The following CNKSR3 variants were observed in gnomAD, a reference collection of about 807,000 sequenced individuals.
CNKSR3 encodes the protein CNKSR family member 3.
In CNKSR3, 36 loss-of-function variants were observed where a neutral mutation model predicts 67.7. That is an observed-to-expected ratio of 0.53 (90% CI 0.41 to 0.70). The LOEUF is 0.70. Ranked by LOEUF, CNKSR3 falls within the 30% of genes least tolerant of loss-of-function variation. The pLI is 0.00. For synonymous variants in CNKSR3, 281 were observed against 271.4 expected (o/e 1.04, Z -0.35); for missense variants, 630 against 695.2 (o/e 0.91, Z 1.05).
In CNKSR3 at chr6:154,496,056, G is replaced by T. The variant is rs1307443332; in HGVS notation, c.52+14007C>A. 3.3e-5 allele frequency among the ~76,000 whole-genome samples: 5 copies of T among 152,186 alleles called. No individual in the cohort carries two copies. The East Asian group carries it at 9.6e-4, about 29-fold the overall frequency. On this transcript the variant is annotated intron_variant, in intron 1 of 12. Transcript: ENST00000607772. Reference sequence around the variant, plus strand: ...CAGACCACCCCAAAAGACTTACCTGGCCACCTGTTAGACATGCGGCCGTCA... The same window carrying T: ...CAGACCACCCCAAAAGACTTACCTGTCCACCTGTTAGACATGCGGCCGTCA...
chr6:154,440,161 T>C lies in CNKSR3; in HGVS notation c.507+1131A>G, dbSNP rs150006741. On this transcript the variant is annotated intron_variant, in intron 4 of 12. Transcript: ENST00000607772. ...TCATGACCTCAAAACTCCATGTGCCTTGAGAACAATGGCTGCTCAGGACTA... is the reference window on the plus strand; with the variant it reads ...TCATGACCTCAAAACTCCATGTGCCCTGAGAACAATGGCTGCTCAGGACTA... Among the ~76,000 whole-genome samples the C allele has an allele frequency of 4.3e-4, 65 of 152,316 alleles. 1 individual carries two copies. In the East Asian group the frequency reaches 0.011, roughly 26 times the overall value.
In CNKSR3 at chr6:154,510,653, C is replaced by G. The variant is rs1787199888; in HGVS notation, c.-539G>C. On this transcript the variant is annotated 5_prime_UTR_variant, in exon 1 of 13. Transcript: ENST00000607772. ...GCGCAGAGCGTGCGCGCTCGGGTTG[C>G]AAAGTTTCAGCTCCGGTTGCTGCAA... 6.5e-6 allele frequency: 1 copy of G among 152,794 alleles called. No individual in the cohort carries two copies. The highest frequency in any genetic ancestry group is 1.4e-5 in the Non-Finnish European group (1 of 69,832). 9.5% of individuals were successfully genotyped at this position (152,794 alleles called of 1,614,324 possible).
intron 4 of CNKSR3, among the ~76,000 whole-genome samples, chr6:154,435,781 C>T (rs1156378684): frequency 6.6e-6 from 1 of 152,256 alleles, no homozygotes; most frequent in Non-Finnish European, 1.5e-5. Flanking sequence ...TCAGCACCCC[C>T]CTGCCTCTCC....
chr6:154,508,110 T>C (rs1385391344), intron 1 of CNKSR3, among the ~76,000 whole-genome samples: 1 of 152,238 alleles, frequency 6.6e-6, no homozygotes. Context: ...GATGTAACCC[T>C]TTCTTTCTGC....
chr6:154,441,242 CAAAAAAAAAAAAA>C (rs34887626), intron 4 of CNKSR3, 37 bp downstream of exon 4: 2 of 843,778 alleles, frequency 2.4e-6, no homozygotes, highest in Non-Finnish European at 3.5e-6. Context: ...AGAGGAAAAG[CAAAAAAAAAAAAA>C]AAAAAAAAAA....
chr6:154,502,915 C>G (rs1454868702), intron 1 of CNKSR3, among the ~76,000 whole-genome samples: 3 of 152,144 alleles, frequency 2.0e-5, no homozygotes, highest in Non-Finnish European at 2.9e-5. Context: ...GGCAGTGACA[C>G]AGGCATGGGG....
At chr6:154,508,788 G>A (rs1015787693) in intron 1 of CNKSR3, among the ~76,000 whole-genome samples, 3 of 152,210 alleles carry the variant, frequency 2.0e-5, no homozygotes, top group African/African-American at 7.2e-5. Context: ...TTCTCCCAGA[G>A]GAGCAGGAAA....
chr6:154,448,683 G>A (rs751314730), intron 2 of CNKSR3, among the ~76,000 whole-genome samples: 13 of 152,012 alleles, frequency 8.6e-5, no homozygotes, highest in Non-Finnish European at 1.9e-4. Context: ...TCTCCCAGGC[G>A]GCAGCTCATT....
At chr6:154,434,996 C>CTT (rs367990649) in intron 4 of CNKSR3, among the ~76,000 whole-genome samples, 53,715 of 136,492 alleles carry the variant, frequency 0.39, 11,051 homozygotes, top group Non-Finnish European at 0.46. Context: ...CTACAAATTC[C>CTT]TTTTTTTTTT....
chr6:154,451,135 C>T (rs1373479775), intron 1 of CNKSR3, among the ~76,000 whole-genome samples: 2 of 75,036 alleles, frequency 2.7e-5, no homozygotes, highest in Non-Finnish European at 5.1e-5. Flanking sequence ...TAAATGGGTT[C>T]GCTTACGGGA....
chr6:154,452,705 G>A (rs1244908267), intron 1 of CNKSR3, among the ~76,000 whole-genome samples: 2 of 152,348 alleles, frequency 1.3e-5, no homozygotes, highest in African/African-American at 2.4e-5. Flanking sequence ...AATCCCTAAA[G>A]AAGGAATTAA....
chr6:154,463,355 G>A (rs1786124178), intron 1 of CNKSR3, among the ~76,000 whole-genome samples: 2 of 151,814 alleles, frequency 1.3e-5, no homozygotes. Context: ...TTACAGGCGT[G>A]AGCCACCGCG....
intron 1 of CNKSR3, 103 bp downstream of exon 1, chr6:154,509,959 AC>A: frequency 7.8e-7 from 1 of 1,282,502 alleles, no homozygotes; most frequent in South Asian, 1.2e-5. Flanking sequence ...CTGTGCCCTC[AC>A]CGCTTCTCGC....
intron 1 of CNKSR3, among the ~76,000 whole-genome samples, chr6:154,484,908 T>C (rs927766103): frequency 2.6e-5 from 4 of 152,174 alleles, no homozygotes; most frequent in African/African-American, 9.6e-5. Context: ...AAAGCTTGAA[T>C]AGCCACACAG....
In CNKSR3 at chr6:154,389,578, T is replaced by C. The variant is rs1303683445; in HGVS notation, c.*16776A>G. The stretch of plus-strand genomic sequence containing the variant: ...AGATTGATATGGCTATTCATGGTCT[T>C]TTGTGGTTTCATATGGACTGTAGAA... On this transcript the variant is annotated 3_prime_UTR_variant, in exon 13 of 13. Transcript: ENST00000607772. The C allele has an allele frequency of 6.6e-6, 1 of 152,256 alleles. No individual in the cohort carries two copies. Among genetic ancestry groups the C allele is most frequent in the African/African-American group, 2.4e-5 (1 of 41,462 alleles). The allele number at this position is 152,256 out of a possible 1,614,324, so 9.4% of individuals were successfully genotyped here.
At chr6:154,499,302 T>C (rs905364583) in intron 1 of CNKSR3, among the ~76,000 whole-genome samples, 1 of 152,222 alleles carries the variant, frequency 6.6e-6, no homozygotes, top group African/African-American at 2.4e-5. Context: ...GTCTGGCTTA[T>C]GTCACCTATT....
chr6:154,440,990 TA>T (rs911274499), intron 4 of CNKSR3, among the ~76,000 whole-genome samples: 22 of 146,398 alleles, frequency 1.5e-4, no homozygotes, highest in Admixed American at 8.2e-4. Flanking sequence ...GAATTTTCAT[TA>T]AAAAAAAAAA....
chr6:154,408,531 T>G (rs1584049280), intron 12 of CNKSR3, among the ~76,000 whole-genome samples: 1 of 152,306 alleles, frequency 6.6e-6, no homozygotes, highest in East Asian at 1.9e-4. Flanking sequence ...AAAGTGCCCA[T>G]TGTCAAAAAG....
At position 154,404,856 on chromosome 6, in the gene CNKSR3, A is replaced by C. The variant is rs577126768; in HGVS notation, c.*1498T>G. ...CAAAAACAAACAAACAAACAAAAAA[A>C]ACCAGCCTGACTGAATTCAGTCACA... is the stretch of plus-strand genomic sequence containing the variant. On this transcript the variant is annotated 3_prime_UTR_variant, in exon 13 of 13. Coordinates refer to ENST00000607772, the MANE Select transcript of CNKSR3 (RefSeq NM_173515.4). 1.3e-5 allele frequency: 2 copies of C among 152,414 alleles called. No homozygotes were observed. The highest frequency in any genetic ancestry group is 2.1e-4 in the South Asian group (1 of 4,826). 9.4% of individuals were successfully genotyped at this position (152,414 alleles called of 1,614,324 possible).
Sources: allele counts gnomAD v4.1 joint callset (sites outside exome capture counted in the v4.1 genomes callset), GRCh38; gene constraint gnomAD v4.1.1; transcripts MANE v1.5; gene names NCBI Gene and HGNC (gene_info 2026-07-23, HGNC 2026-07-21).